SLC25A48: variants seen among roughly 807,000 people sequenced by gnomAD.
SLC25A48 encodes the protein CTC-321K16.1.
SLC25A48 carries 29 observed loss-of-function variants against 32.2 expected under a neutral mutation model. The observed-to-expected ratio is 0.90, with a 90% CI of 0.67 to 1.23. The LOEUF is 1.23. Among genes scored for constraint, SLC25A48 ranks in the 50% most tolerant of loss-of-function variants. The pLI is 0.00. For missense variants in SLC25A48, 399 were observed against 422.7 expected (o/e 0.94, Z 0.49); for synonymous variants, 164 against 172.3 (o/e 0.95, Z 0.38).
chr5:135,594,912 C>T (rs1751610183), intron 1 of SLC25A48, among the ~76,000 whole-genome samples: 2 of 152,158 alleles, frequency 1.3e-5, no homozygotes, highest in Admixed American at 6.5e-5. Flanking sequence ...GCATATTTCA[C>T]AGATAAAGAA....
chr5:135,593,447 C>A (rs1201306126), intron 1 of SLC25A48, among the ~76,000 whole-genome samples: 1 of 152,204 alleles, frequency 6.6e-6, no homozygotes, highest in Non-Finnish European at 1.5e-5. Context: ...TAGCCTCTGG[C>A]AGATCCAATC....
chr5:135,668,161 C>A, intron 3 of SLC25A48, among the ~76,000 whole-genome samples: 1 of 152,196 alleles, frequency 6.6e-6, no homozygotes, highest in Non-Finnish European at 1.5e-5. Context: ...AATTCCTAAT[C>A]TGGTGTTTAA....
intron 3 of SLC25A48, among the ~76,000 whole-genome samples, chr5:135,757,598 A>C (rs536543839): frequency 1.3e-5 from 2 of 149,664 alleles, no homozygotes; most frequent in East Asian, 4.1e-4. Flanking sequence ...TATTAATAAA[A>C]TATCTTCTAG....
At chr5:135,805,477 C>T (rs530600473) in intron 3 of SLC25A48, among the ~76,000 whole-genome samples, 27 of 151,382 alleles carry the variant, frequency 1.8e-4, no homozygotes, top group East Asian at 7.8e-4. Flanking sequence ...GAAAATTATT[C>T]GTAACAACCC....
chr5:135,860,093 A>G (rs1760663047), intron 4 of SLC25A48, among the ~76,000 whole-genome samples: 1 of 152,218 alleles, frequency 6.6e-6, no homozygotes, highest in African/African-American at 2.4e-5. Context: ...AATGTCTGGC[A>G]AAGTTAGCTC....
At chr5:135,613,698 A>G (rs1393134761) in intron 1 of SLC25A48, among the ~76,000 whole-genome samples, 3 of 152,208 alleles carry the variant, frequency 2.0e-5, no homozygotes, top group African/African-American at 4.8e-5. Flanking sequence ...TAAGGAGGGT[A>G]TCCTTTCCCC....
chr5:135,663,090 GT>G (rs890878457), intron 3 of SLC25A48, among the ~76,000 whole-genome samples: 2 of 152,132 alleles, frequency 1.3e-5, no homozygotes, highest in African/African-American at 4.8e-5. Flanking sequence ...CAGCCTTTGG[GT>G]TCTCCCTCTC....
chr5:135,710,445 G>A (rs1176469311), intron 3 of SLC25A48, among the ~76,000 whole-genome samples: 4 of 152,124 alleles, frequency 2.6e-5, no homozygotes, highest in South Asian at 2.1e-4. Context: ...GTTTTGTTCC[G>A]TCTTGTTTTG....
chr5:135,616,172 A>G (rs1752187443), intron 1 of SLC25A48, among the ~76,000 whole-genome samples: 1 of 152,208 alleles, frequency 6.6e-6, no homozygotes, highest in African/African-American at 2.4e-5. Flanking sequence ...CAGAGGGGAA[A>G]TATGGGGTTG....
intron 3 of SLC25A48, among the ~76,000 whole-genome samples, chr5:135,785,643 G>T (rs1419186412): frequency 6.6e-6 from 1 of 150,892 alleles, no homozygotes; most frequent in Non-Finnish European, 1.5e-5. Context: ...GAAAAGAGAG[G>T]GTGATAATGC....
At chr5:135,788,972 C>A (rs1046787736) in intron 3 of SLC25A48, among the ~76,000 whole-genome samples, 1 of 150,910 alleles carries the variant, frequency 6.6e-6, no homozygotes, top group Non-Finnish European at 1.5e-5. Flanking sequence ...AGGGTGTCCA[C>A]ATCCCTGTGA....
At chr5:135,800,495 A>C (rs1036798946) in intron 3 of SLC25A48, among the ~76,000 whole-genome samples, 10 of 151,714 alleles carry the variant, frequency 6.6e-5, no homozygotes, top group African/African-American at 2.2e-4. Flanking sequence ...AGAGAGGATG[A>C]CATGAGTTTC....
rs1254163974 is a variant in SLC25A48, at chr5:135,742,228, T to C, written c.-520-70295T>C. 1.2e-4 allele frequency among the ~76,000 whole-genome samples: 18 copies of C among 152,190 alleles called. 1 individual carries two copies. On this transcript the variant is annotated intron_variant, in intron 3 of 10. Transcript: ENST00000646290. ...CTGAATAGCTGGGATTACAGGCCTGTGCTACCACACCCAGCTAATATTTTG... is the reference window on the plus strand; with the variant it reads ...CTGAATAGCTGGGATTACAGGCCTGCGCTACCACACCCAGCTAATATTTTG...
At chr5:135,644,765 T>C (rs946787192) in intron 3 of SLC25A48, among the ~76,000 whole-genome samples, 11 of 152,154 alleles carry the variant, frequency 7.2e-5, no homozygotes, top group Non-Finnish European at 1.2e-4. Context: ...GAAGACCATT[T>C]TTCTGCTCAT....
chr5:135,825,247 C>T (rs900974809), intron 4 of SLC25A48: 3 of 152,266 alleles, frequency 2.0e-5, no homozygotes, highest in East Asian at 1.9e-4. Flanking sequence ...TAAAACAAGC[C>T]GTACTATTAT....
chr5:135,715,555 G>A (rs1363338182), intron 3 of SLC25A48, among the ~76,000 whole-genome samples: 1 of 152,210 alleles, frequency 6.6e-6, no homozygotes, highest in African/African-American at 2.4e-5. Context: ...CTGCCCAGGA[G>A]CGGGTTGGGA....
chr5:135,818,097 CTCTCTCTCTCTCTCTCTCTCT>C (rs1757781388), intron 4 of SLC25A48, among the ~76,000 whole-genome samples: 16 of 141,162 alleles, frequency 1.1e-4, no homozygotes, highest in South Asian at 2.2e-4. Context: ...CTCTCTCTCT[CTCTCTCTCTCTCTCTCTCTCT>C]CCCTCTGTTT....
At chr5:135,669,572 T>TG (rs1471368962) in intron 3 of SLC25A48, among the ~76,000 whole-genome samples, 2 of 152,002 alleles carry the variant, frequency 1.3e-5, no homozygotes, top group Non-Finnish European at 2.9e-5. Context: ...CCTAACTGAG[T>TG]GGTGAAGCAG....
At chr5:135,762,411 C>T (rs1756083125) in intron 3 of SLC25A48, among the ~76,000 whole-genome samples, 2 of 152,114 alleles carry the variant, frequency 1.3e-5, no homozygotes, top group South Asian at 4.1e-4. Context: ...GGGAGATTTT[C>T]CAGGTGTGCT....
Sources: gnomAD v4.1 joint callset for allele counts (sites outside exome capture counted in the v4.1 genomes callset) on GRCh38, gnomAD v4.1.1 for gene constraint, MANE v1.5 for transcripts, NCBI Gene and HGNC (gene_info 2026-07-23, HGNC 2026-07-21) for gene names.